IL1RL2: variants seen among roughly 807,000 people sequenced by gnomAD.
The protein encoded by IL1RL2 is interleukin-1 receptor-like 2.
In IL1RL2, 68 loss-of-function variants were observed where a neutral mutation model predicts 66.8. The observed-to-expected ratio is 1.02, with a 90% CI of 0.84 to 1.25. The LOEUF is 1.25. Ranked by LOEUF, IL1RL2 falls within the 50% of genes most tolerant of loss-of-function variation. The probability of loss-of-function intolerance (pLI) is 0.00; values close to 1 mark genes in which losing one functional copy is unlikely to be tolerated. For synonymous variants in IL1RL2, 305 were observed against 264.6 expected (o/e 1.15, Z -1.48); for missense variants, 729 against 709.3 (o/e 1.03, Z -0.32).
intron 3 of IL1RL2, 141 bp from the exon 4 acceptor site, chr2:102,191,784 T>C: frequency 1.7e-6 from 1 of 596,940 alleles, no homozygotes; most frequent in South Asian, 2.2e-5. Flanking sequence ...ATGAATCATT[T>C]GTGGATGCTT....
chr2:102,220,648 T>C (rs1690029928), intron 8 of IL1RL2, among the ~76,000 whole-genome samples: 1 of 151,944 alleles, frequency 6.6e-6, no homozygotes, highest in African/African-American at 2.4e-5. Context: ...ACCAAGACAG[T>C]TGTTCTTGAT....
At chr2:102,231,231 G>A (rs1318032449) in intron 9 of IL1RL2, among the ~76,000 whole-genome samples, 2 of 152,176 alleles carry the variant, frequency 1.3e-5, no homozygotes, top group African/African-American at 4.8e-5. Context: ...CTGCAAGACT[G>A]TTTACCATCC....
chr2:102,195,163 A>G (rs1437986800), intron 4 of IL1RL2, among the ~76,000 whole-genome samples: 1 of 152,150 alleles, frequency 6.6e-6, no homozygotes, highest in East Asian at 1.9e-4. Context: ...ATAGATCTGG[A>G]TATCAGTAAT....
intron 8 of IL1RL2, among the ~76,000 whole-genome samples, chr2:102,223,385 C>T (rs577728509): frequency 2.8e-4 from 42 of 152,256 alleles, no homozygotes; most frequent in Non-Finnish European, 3.8e-4. Context: ...TGTGCTCTTC[C>T]GTGAATTCGC....
chr2:102,235,087 C>A lies in IL1RL2; in HGVS notation c.1488C>A (p.Val496=), dbSNP rs998304064. ...TGGAGAAAATCGAGGACTACACAGT[C>A]ATGCCAGAGTCAATTCAGTACATCA... ...IELEKIEDYT[V]MPESIQYIKQ... Residue 496 remains valine, a synonymous_variant, in exon 11 of 12, where the codon GTC becomes GTA. Coordinates refer to ENST00000264257, the MANE Select transcript of IL1RL2 (RefSeq NM_003854.4). The A allele has an allele frequency of 6.2e-7, 1 of 1,614,236 alleles. No individual in the cohort carries two copies.
At chr2:102,237,108 C>G (rs1056932043) in intron 11 of IL1RL2, among the ~76,000 whole-genome samples, 1 of 152,136 alleles carries the variant, frequency 6.6e-6, no homozygotes, top group Admixed American at 6.5e-5. Flanking sequence ...ACAGGCACAC[C>G]CTTCAGAGAG....
At chr2:102,241,881 G>A (rs1194432243), downstream of IL1RL2, among the ~76,000 whole-genome samples, 1 of 152,182 alleles carries the variant, frequency 6.6e-6, no homozygotes, top group East Asian at 1.9e-4. Flanking sequence ...GTTTCTAAAA[G>A]CATCTTATGT....
rs980796863 is a variant in IL1RL2, at chr2:102,226,911, C to A, written c.1135+870C>A. On this transcript the variant is annotated intron_variant, in intron 9 of 11. Coordinates refer to ENST00000264257, the MANE Select transcript of IL1RL2 (RefSeq NM_003854.4). ...CAGCGGGGCCTGGGCCACAGGGCGG[C>A]CTCTATTGCTTGTCTGGAGGTCAAA... 2.6e-5 allele frequency among the ~76,000 whole-genome samples: 4 copies of A among 152,320 alleles called. No homozygotes were observed. In the East Asian group the frequency reaches 7.7e-4, roughly 29 times the overall value.
rs767057910 is a variant in IL1RL2 at position 102,239,350 on chromosome 2, G to A, written c.*109G>A. 1.9e-6 allele frequency: 2 copies of A among 1,035,480 alleles called. No individual in the cohort carries two copies. Among genetic ancestry groups the A allele is most frequent in the Non-Finnish European group, 1.5e-6 (1 of 660,388 alleles). The allele number at this position is 1,035,480 out of a possible 1,614,324, so 64.1% of individuals were successfully genotyped here. A position where few individuals can be genotyped will look rare whatever the true frequency, so the allele number is the denominator to read the frequency against. ...GGATGAGGCTAGGGTTAGCATTCTAGACACCCAGTTGAGCTCAGGCGTAGA... is the reference window on the plus strand; with the variant it reads ...GGATGAGGCTAGGGTTAGCATTCTAAACACCCAGTTGAGCTCAGGCGTAGA... On this transcript the variant is annotated 3_prime_UTR_variant, in exon 12 of 12. Coordinates refer to ENST00000264257, the MANE Select transcript of IL1RL2 (RefSeq NM_003854.4).
chr2:102,189,132 G>T lies in IL1RL2; in HGVS notation c.115G>T (p.Ala39Ser). 1 of 1,614,036 alleles carries T rather than the reference G, an allele frequency of 6.2e-7. No individual in the cohort carries two copies. Among genetic ancestry groups the T allele is most frequent in the Non-Finnish European group, 8.5e-7 (1 of 1,179,966 alleles). Reference protein sequence around the residue: ...NEILSASQPFAFNCTFPPITS... With the variant: ...NEILSASQPFSFNCTFPPITS... ...GATACTTTCAGCAAGCCAGCCTTTT[G>T]CTTTTAATTGTACATTCCCTCCCAT... Residue 39 changes from alanine to serine, a missense_variant, in exon 3 of 12, where the codon GCT becomes TCT. Coordinates refer to ENST00000264257, the MANE Select transcript of IL1RL2 (RefSeq NM_003854.4).
chr2:102,222,644 G>C (rs1690241865), intron 8 of IL1RL2, among the ~76,000 whole-genome samples: 1 of 152,126 alleles, frequency 6.6e-6, no homozygotes, highest in African/African-American at 2.4e-5. Flanking sequence ...TGATGAAGTA[G>C]GTGAGTTTGA....
chr2:102,234,205 A>C (rs1674633335), intron 10 of IL1RL2, among the ~76,000 whole-genome samples: 1 of 152,262 alleles, frequency 6.6e-6, no homozygotes, highest in African/African-American at 2.4e-5. Flanking sequence ...GCAACATTTC[A>C]GCTAACTACA....
chr2:102,226,124 T>TA, intron 9 of IL1RL2, 83 bp downstream of exon 9: 12 of 1,187,028 alleles, frequency 1.0e-5, no homozygotes, highest in Non-Finnish European at 1.4e-5. Flanking sequence ...TACTTTGTCA[T>TA]ATTTTACTAC....
upstream of IL1RL2, chr2:102,187,017 G>C: frequency 7.8e-7 from 1 of 1,289,754 alleles, no homozygotes; most frequent in Non-Finnish European, 1.0e-6. Flanking sequence ...GAAGTGGCAT[G>C]ACAGGGCTCG....
Position 102,232,900 on chromosome 2 carries a change from G to A in IL1RL2, c.1136-63G>A, listed in dbSNP as rs746682110. 1.3e-4 allele frequency: 202 copies of A among 1,561,994 alleles called. 2 individuals are homozygous for A. In the East Asian group the frequency reaches 3.2e-3, roughly 24 times the overall value. On this transcript the variant is annotated intron_variant, in intron 9 of 11. Transcript: ENST00000264257. Reference sequence around the variant, plus strand: ...CACCATGGTAGCCGCTCAGGCTTCCGGTTTATTAACATGAGAGAATTTGGT... The same window carrying A: ...CACCATGGTAGCCGCTCAGGCTTCCAGTTTATTAACATGAGAGAATTTGGT...
intron 11 of IL1RL2, 191 bp downstream of exon 11, chr2:102,235,468 G>C: frequency 1.0e-6 from 1 of 985,490 alleles, no homozygotes; most frequent in Non-Finnish European, 1.2e-6. Context: ...CTTCTTCAGG[G>C]AAACACACGG....
chr2:102,238,123 C>A (rs1016710499), intron 11 of IL1RL2, among the ~76,000 whole-genome samples: 4 of 152,028 alleles, frequency 2.6e-5, no homozygotes, highest in East Asian at 3.9e-4. Context: ...GAATTAGAGA[C>A]CCCCCTGGGA....
At chr2:102,238,767 C>T (rs903697440) in intron 11 of IL1RL2, among the ~76,000 whole-genome samples, 19 of 152,154 alleles carry the variant, frequency 1.2e-4, no homozygotes, top group African/African-American at 4.3e-4. Flanking sequence ...AGAGGCCACA[C>T]ATCTCCAGTA....
At chr2:102,210,416 G>A (rs1399501009) in intron 5 of IL1RL2, among the ~76,000 whole-genome samples, 1 of 152,160 alleles carries the variant, frequency 6.6e-6, no homozygotes, top group East Asian at 1.9e-4. Flanking sequence ...AAGCAGGAGA[G>A]TAGCATGAGT....
Sources: gnomAD v4.1 joint callset for allele counts (sites outside exome capture counted in the v4.1 genomes callset) on GRCh38, gnomAD v4.1.1 for gene constraint, MANE v1.5 for transcripts, NCBI Gene and HGNC (gene_info 2026-07-23, HGNC 2026-07-21) for gene names.